RIMS1: variants seen among roughly 807,000 people sequenced by gnomAD.
The protein encoded by RIMS1 is regulating synaptic membrane exocytosis 1.
RIMS1 carries 83 observed loss-of-function variants against 214.1 expected under a neutral mutation model. That is an observed-to-expected ratio of 0.39 (90% CI 0.32 to 0.47). The LOEUF is 0.47. RIMS1 is among the 20% of genes least tolerant of loss of function. The probability of loss-of-function intolerance (pLI) is 0.99; values close to 1 mark genes in which losing one functional copy is unlikely to be tolerated. For synonymous variants in RIMS1, 793 were observed against 786.8 expected, an observed-to-expected ratio of 1.01 and a Z score of -0.13; for missense variants, 2,050 against 2,161.8, an observed-to-expected ratio of 0.95 and a Z score of 1.03.
intron 6 of RIMS1, among the ~76,000 whole-genome samples, chr6:72,189,610 C>T (rs142644499): frequency 1.3e-5 from 2 of 152,180 alleles, no homozygotes; most frequent in African/African-American, 4.8e-5. Flanking sequence ...GCTGATCACC[C>T]CAAGGAATGG....
intron 4 of RIMS1, among the ~76,000 whole-genome samples, chr6:72,175,924 T>G (rs1029222668): frequency 1.3e-5 from 2 of 152,176 alleles, no homozygotes; most frequent in Non-Finnish European, 2.9e-5. Context: ...TTCCTATGGG[T>G]TTTATAAAAT....
chr6:72,060,653 C>A (rs766946328), intron 2 of RIMS1, among the ~76,000 whole-genome samples: 1 of 152,128 alleles, frequency 6.6e-6, no homozygotes, highest in Non-Finnish European at 1.5e-5. Context: ...GTACAAATAC[C>A]AAAGCCATTT....
intron 19 of RIMS1, chr6:72,262,239 T>TA: frequency 1.3e-6 from 1 of 777,626 alleles, no homozygotes; most frequent in Non-Finnish European, 1.6e-6. Flanking sequence ...TATTATATAA[T>TA]AGTTGCATCA....
At chr6:72,249,754 G>C (rs184493653) in intron 12 of RIMS1, among the ~76,000 whole-genome samples, 3 of 152,246 alleles carry the variant, frequency 2.0e-5, no homozygotes, top group Admixed American at 2.0e-4. Flanking sequence ...CTGTGACAGA[G>C]TGAGACCATG....
At chr6:72,267,300 TC>T (rs940698845) in intron 22 of RIMS1, among the ~76,000 whole-genome samples, 131 of 152,238 alleles carry the variant, frequency 8.6e-4, no homozygotes, top group African/African-American at 3.1e-3. Flanking sequence ...GTTATTATTT[TC>T]TTATATGTTT....
At chr6:71,972,573 T>TA (rs879869003) in intron 2 of RIMS1, among the ~76,000 whole-genome samples, 7 of 152,202 alleles carry the variant, frequency 4.6e-5, no homozygotes, top group Non-Finnish European at 7.3e-5. Context: ...AAGTTATTGT[T>TA]AAAATGTCAC....
Position 72,183,167 on chromosome 6 carries a change from G to A in RIMS1, c.1678+18G>A. The A allele has an allele frequency of 1.3e-6, 2 of 1,582,618 alleles. No homozygotes were observed. Among genetic ancestry groups the A allele is most frequent in the Non-Finnish European group, 1.7e-6 (2 of 1,166,732 alleles). ...CGAGAAAGGTAAGGGGGCGGCGCCGGCCGTGCGGGGACTTCAGCCAAGTGA... is the reference window on the plus strand; with the variant it reads ...CGAGAAAGGTAAGGGGGCGGCGCCGACCGTGCGGGGACTTCAGCCAAGTGA... On this transcript the variant is annotated intron_variant, in intron 6 of 33. Transcript: ENST00000521978.
chr6:71,897,990 G>A (rs372706762), intron 1 of RIMS1, among the ~76,000 whole-genome samples: 45 of 152,094 alleles, frequency 3.0e-4, no homozygotes, highest in Non-Finnish European at 4.6e-4. Flanking sequence ...TTTAGTTATC[G>A]AGAGAACCAG....
At chr6:72,144,947 T>A (rs1280331624) in intron 4 of RIMS1, among the ~76,000 whole-genome samples, 1 of 151,656 alleles carries the variant, frequency 6.6e-6, no homozygotes. Context: ...TGCAGTGGCG[T>A]GATCTTGGCT....
At chr6:72,289,082 G>A (rs977818051) in intron 24 of RIMS1, among the ~76,000 whole-genome samples, 5 of 152,212 alleles carry the variant, frequency 3.3e-5, no homozygotes, top group East Asian at 3.9e-4. Context: ...AAAGTTCACC[G>A]AAATTTTTTA....
chr6:72,190,401 T>C (rs1432516938), intron 6 of RIMS1, among the ~76,000 whole-genome samples: 1 of 148,104 alleles, frequency 6.8e-6, no homozygotes, highest in African/African-American at 2.5e-5. Context: ...AGGCAGAGGT[T>C]GCCGTGAGCT....
At chr6:72,038,090 CAAAAAAAAAAAAA>C (rs869130217) in intron 2 of RIMS1, among the ~76,000 whole-genome samples, 12 of 22,234 alleles carry the variant, frequency 5.4e-4, no homozygotes, top group Non-Finnish European at 8.0e-4. Flanking sequence ...AACAAACAAG[CAAAAAAAAAAAAA>C]AAAAAAAAAA....
At chr6:72,284,342 TA>T (rs1376343014) in intron 24 of RIMS1, among the ~76,000 whole-genome samples, 4 of 152,198 alleles carry the variant, frequency 2.6e-5, no homozygotes, top group African/African-American at 4.8e-5. Context: ...AATAATTATG[TA>T]TTTCTCTTAG....
intron 28 of RIMS1, among the ~76,000 whole-genome samples, chr6:72,320,337 C>A (rs751206465): frequency 6.6e-6 from 1 of 152,090 alleles, no homozygotes; most frequent in Non-Finnish European, 1.5e-5. Flanking sequence ...TCAACTAAAG[C>A]AGTTCTACTA....
At chr6:71,934,356 T>G (rs1235343048) in intron 1 of RIMS1, among the ~76,000 whole-genome samples, 1 of 152,160 alleles carries the variant, frequency 6.6e-6, no homozygotes, top group Non-Finnish European at 1.5e-5. Flanking sequence ...TTGCGATGAA[T>G]CACAGTTTGT....
intron 4 of RIMS1, among the ~76,000 whole-genome samples, chr6:72,105,033 C>T (rs1229131213): frequency 6.6e-6 from 1 of 152,102 alleles, no homozygotes; most frequent in East Asian, 1.9e-4. Context: ...CAGGCTCAAA[C>T]CATCTTTCCA....
intron 6 of RIMS1, among the ~76,000 whole-genome samples, chr6:72,223,197 G>T (rs565333396): frequency 1.3e-5 from 2 of 152,104 alleles, no homozygotes; most frequent in Non-Finnish European, 1.5e-5. Context: ...ATTGCTTTTT[G>T]CCAGATGAGA....
rs191752298 is a variant in RIMS1, at chr6:72,254,504, C to G, written c.2770+1672C>G. 1.5e-3 allele frequency among the ~76,000 whole-genome samples: 225 copies of G among 152,238 alleles called. 1 individual carries two copies. The highest frequency in any genetic ancestry group is 5.3e-3 in the African/African-American group (221 of 41,548). On this transcript the variant is annotated intron_variant, in intron 16 of 33. Transcript: ENST00000521978. ...TTATACCTGGTAGAAAAATCATCAC[C>G]TCTAACAGGAATCTTAACTATTAGT...
At chr6:71,953,172 A>G (rs1273243341) in intron 1 of RIMS1, among the ~76,000 whole-genome samples, 3 of 152,096 alleles carry the variant, frequency 2.0e-5, no homozygotes, top group East Asian at 3.9e-4. Context: ...TATTTTTAGT[A>G]GAGACTGGTT....
Sources: gnomAD v4.1 joint callset for allele counts (sites outside exome capture counted in the v4.1 genomes callset) on GRCh38, gnomAD v4.1.1 for gene constraint, MANE v1.5 for transcripts, NCBI Gene and HGNC (gene_info 2026-07-23, HGNC 2026-07-21) for gene names.